PPM1E: variants seen among roughly 807,000 people sequenced by gnomAD.
PPM1E encodes the protein protein phosphatase 1E.
PPM1E carries 20 observed loss-of-function variants against 65.9 expected under a neutral mutation model. That is an observed-to-expected ratio of 0.30 (90% confidence interval 0.21 to 0.44). PPM1E has a LOEUF of 0.44. PPM1E is among the 20% of genes least tolerant of loss of function. The pLI is 1.00. For missense variants in PPM1E, 713 were observed against 953.1 expected, an observed-to-expected ratio of 0.75 and a Z score of 3.32; for synonymous variants, 352 against 374.9, an observed-to-expected ratio of 0.94 and a Z score of 0.70.
rs1213757421 is a variant in PPM1E at position 58,972,870 on chromosome 17, A to C, written c.1155A>C (p.Val385=). 1 of 1,613,202 alleles carries C rather than the reference A, an allele frequency of 6.2e-7. No individual in the cohort carries two copies. The highest frequency in any genetic ancestry group is 1.1e-5 in the South Asian group (1 of 91,068). Reference sequence around the variant, plus strand: ...GAATTGAGGCCCTTGGAGGTTGCGTAGTCTGGTTTGGTGCCTGGAGGGTGA... The same window carrying C: ...GAATTGAGGCCCTTGGAGGTTGCGTCGTCTGGTTTGGTGCCTGGAGGGTGA... ...KQRIEALGGC[V]VWFGAWRVNG... Residue 385 remains valine (V), a synonymous_variant, in exon 6 of 7, where the codon GTA becomes GTC. Coordinates refer to ENST00000308249, the MANE Select transcript of PPM1E (RefSeq NM_014906.5).
chr17:58,758,318 A>T (rs2049788955), intron 1 of PPM1E, among the ~76,000 whole-genome samples: 1 of 152,136 alleles, frequency 6.6e-6, no homozygotes, highest in Non-Finnish European at 1.5e-5. Context: ...TCATGAGGTC[A>T]GGAGTTCGAG....
chr17:58,874,527 A>C (rs2051107858), intron 1 of PPM1E, among the ~76,000 whole-genome samples: 1 of 152,216 alleles, frequency 6.6e-6, no homozygotes, highest in South Asian at 2.1e-4. Flanking sequence ...TTTATGTCTG[A>C]GAATATAAGA....
At chr17:58,769,216 T>C (rs1012110617) in intron 1 of PPM1E, among the ~76,000 whole-genome samples, 1 of 152,176 alleles carries the variant, frequency 6.6e-6, no homozygotes, top group African/African-American at 2.4e-5. Flanking sequence ...ACCTATTTTC[T>C]ATATAATTTT....
intron 1 of PPM1E, among the ~76,000 whole-genome samples, chr17:58,900,149 A>T (rs764821382): frequency 6.6e-6 from 1 of 152,104 alleles, no homozygotes; most frequent in African/African-American, 2.4e-5. Context: ...ATAACAAAGG[A>T]TTTAGAATAT....
At chr17:58,909,858 G>A (rs1360932145) in intron 1 of PPM1E, among the ~76,000 whole-genome samples, 1 of 149,562 alleles carries the variant, frequency 6.7e-6, no homozygotes, top group Non-Finnish European at 1.5e-5. Context: ...TTGGTGCCAA[G>A]ACATTACCTT....
At chr17:58,874,232 A>G (rs1036374699) in intron 1 of PPM1E, among the ~76,000 whole-genome samples, 12 of 152,152 alleles carry the variant, frequency 7.9e-5, no homozygotes, top group Admixed American at 7.9e-4. Context: ...GCACAAAAAT[A>G]GAGAAGCTGG....
At chr17:58,881,996 CAAAAAAA>C (rs58449667) in intron 1 of PPM1E, among the ~76,000 whole-genome samples, 16 of 62,210 alleles carry the variant, frequency 2.6e-4, no homozygotes, top group East Asian at 1.0e-3. Context: ...CCTGTCTCTA[CAAAAAAA>C]AAAAAAAAAA....
intron 1 of PPM1E, among the ~76,000 whole-genome samples, chr17:58,766,202 T>TG: frequency 7.6e-6 from 1 of 131,338 alleles, no homozygotes; most frequent in East Asian, 2.1e-4. Flanking sequence ...TTCTGTTTTT[T>TG]TTTTTTTTTT....
chr17:58,956,193 A>AGAGGCTGAGGTGGGCAGATCACCT (rs1313176213), intron 2 of PPM1E, among the ~76,000 whole-genome samples: 1 of 152,146 alleles, frequency 6.6e-6, no homozygotes, highest in Non-Finnish European at 1.5e-5. Flanking sequence ...TCCCAGCGTG[A>AGAGGCTGAGGTGGGCAGATCACCT]GAGGCTGAGG....
At chr17:58,938,446 T>A (rs1328809736) in intron 1 of PPM1E, among the ~76,000 whole-genome samples, 1 of 152,192 alleles carries the variant, frequency 6.6e-6, no homozygotes, top group Non-Finnish European at 1.5e-5. Context: ...ACTATGTATT[T>A]TCAGGCTCCA....
intron 1 of PPM1E, among the ~76,000 whole-genome samples, chr17:58,801,733 G>C (rs1478336588): frequency 6.6e-6 from 1 of 151,382 alleles, no homozygotes; most frequent in South Asian, 2.1e-4. Flanking sequence ...GAGCCACCAC[G>C]CTCGGCTCCC....
chr17:58,890,748 T>C (rs2051335077), intron 1 of PPM1E, among the ~76,000 whole-genome samples: 1 of 152,200 alleles, frequency 6.6e-6, no homozygotes, highest in African/African-American at 2.4e-5. Context: ...AGCTTGGATG[T>C]TATCCTATCT....
rs73331026 is a variant in PPM1E, at chr17:58,814,650, G to C, written c.464+58189G>C. On this transcript the variant is annotated intron_variant, in intron 1 of 6. Transcript: ENST00000308249. ...TTATTCCAGGGGTGGTGTTCACACA[G>C]ACCAGGGGTTGACAATGTTTTTTTT... Among the ~76,000 whole-genome samples the C allele has an allele frequency of 9.2e-3, 1,397 of 152,288 alleles. 25 individuals are homozygous for C. Among genetic ancestry groups the C allele is most frequent in the African/African-American group, 0.031 (1,292 of 41,546 alleles).
intron 3 of PPM1E, among the ~76,000 whole-genome samples, chr17:58,967,037 ATTG>A (rs1348763662): frequency 6.6e-6 from 1 of 152,194 alleles, no homozygotes; most frequent in Non-Finnish European, 1.5e-5. Flanking sequence ...TATTTGGGGC[ATTG>A]TTGTTGTTCG....
intron 1 of PPM1E, among the ~76,000 whole-genome samples, chr17:58,839,164 T>A (rs1312366038): frequency 1.3e-5 from 2 of 152,062 alleles, no homozygotes; most frequent in Non-Finnish European, 2.9e-5. Flanking sequence ...CCTCAGTGTG[T>A]ACAAATTTAA....
intron 1 of PPM1E, among the ~76,000 whole-genome samples, chr17:58,913,730 C>G (rs1233327098): frequency 1.3e-5 from 2 of 152,124 alleles, no homozygotes; most frequent in East Asian, 3.9e-4. Context: ...GGTAGGATTG[C>G]AAGACCAGCT....
At chr17:58,847,459 G>A (rs2050783251) in intron 1 of PPM1E, among the ~76,000 whole-genome samples, 1 of 152,162 alleles carries the variant, frequency 6.6e-6, no homozygotes, top group Non-Finnish European at 1.5e-5. Flanking sequence ...AAGGTGTAAG[G>A]AAGGGATCCA....
At chr17:58,795,237 T>C (rs2050195105) in intron 1 of PPM1E, among the ~76,000 whole-genome samples, 1 of 152,208 alleles carries the variant, frequency 6.6e-6, no homozygotes, top group South Asian at 2.1e-4. Context: ...GGGGGGTATA[T>C]ACTCAATAAT....
At chr17:58,934,303 G>A (rs1331542428) in intron 1 of PPM1E, among the ~76,000 whole-genome samples, 1 of 152,082 alleles carries the variant, frequency 6.6e-6, no homozygotes, top group African/African-American at 2.4e-5. Context: ...TGTGTGTAGT[G>A]TGCACAAAAA....
Sources: allele counts gnomAD v4.1 joint callset (sites outside exome capture counted in the v4.1 genomes callset), GRCh38; gene constraint gnomAD v4.1.1; transcripts MANE v1.5; gene names NCBI Gene and HGNC (gene_info 2026-07-23, HGNC 2026-07-21).